The following FAM184B variants were observed in gnomAD, a reference collection of about 807,000 sequenced individuals.
FAM184B encodes protein FAM184B.
A neutral mutation model predicts 135.9 loss-of-function variants in FAM184B; 111 were observed. The observed-to-expected ratio is 0.82, with a 90% confidence interval of 0.70 to 0.96. The LOEUF is 0.96. Among genes scored for constraint, FAM184B ranks in the 40% least tolerant of loss-of-function variants. The probability of loss-of-function intolerance (pLI) is 0.00; values close to 1 mark genes in which losing one functional copy is unlikely to be tolerated. For synonymous variants in FAM184B, 552 were observed against 524.8 expected (o/e 1.05, Z -0.71); for missense variants, 1,375 against 1,323.9 (o/e 1.04, Z -0.60).
chr4:17,744,193 A>C (rs756650156), intron 1 of FAM184B, among the ~76,000 whole-genome samples: 9 of 152,010 alleles, frequency 5.9e-5, no homozygotes, highest in Non-Finnish European at 1.0e-4. Flanking sequence ...CTTAAAGTCA[A>C]TTTATTTGGG....
At chr4:17,641,007 C>T (rs4698641) in intron 13 of FAM184B, among the ~76,000 whole-genome samples, 89,973 of 151,932 alleles carry the variant, frequency 0.59, 27,336 homozygotes, top group East Asian at 0.89. Flanking sequence ...GATCTCAACT[C>T]AGTGCAACCT....
chr4:17,735,875 G>A (rs754951496), intron 1 of FAM184B, among the ~76,000 whole-genome samples: 3 of 152,204 alleles, frequency 2.0e-5, no homozygotes, highest in Non-Finnish European at 2.9e-5. Flanking sequence ...GCCAACAGAT[G>A]TACAGAGAAT....
At chr4:17,728,455 T>G (rs1717693520) in intron 1 of FAM184B, among the ~76,000 whole-genome samples, 1 of 152,122 alleles carries the variant, frequency 6.6e-6, no homozygotes, top group African/African-American at 2.4e-5. Context: ...GACCAGGAGA[T>G]CTTTACATTT....
chr4:17,640,200 C>T (rs1167631997), intron 13 of FAM184B, among the ~76,000 whole-genome samples: 1 of 149,738 alleles, frequency 6.7e-6, no homozygotes, highest in Non-Finnish European at 1.5e-5. Context: ...GGGCTGGGTG[C>T]GGTGGCTCAC....
chr4:17,671,498 T>C (rs1716168557), intron 7 of FAM184B, among the ~76,000 whole-genome samples: 1 of 152,028 alleles, frequency 6.6e-6, no homozygotes, highest in African/African-American at 2.4e-5. Context: ...GAGACCCCCA[T>C]TACCTGGCCA....
intron 1 of FAM184B, among the ~76,000 whole-genome samples, chr4:17,766,101 G>A (rs1458070368): frequency 6.6e-6 from 1 of 152,206 alleles, no homozygotes; most frequent in Non-Finnish European, 1.5e-5. Context: ...TTATTACAAA[G>A]AGCAAGATTG....
intron 7 of FAM184B, among the ~76,000 whole-genome samples, chr4:17,674,171 C>A (rs1278858130): frequency 6.6e-6 from 1 of 151,740 alleles, no homozygotes; most frequent in Non-Finnish European, 1.5e-5. Flanking sequence ...ACTTTTAATT[C>A]TAGCATAAAA....
At chr4:17,754,500 A>G (rs1718376600) in intron 1 of FAM184B, among the ~76,000 whole-genome samples, 1 of 151,376 alleles carries the variant, frequency 6.6e-6, no homozygotes, top group Non-Finnish European at 1.5e-5. Context: ...GAAGTGAGGC[A>G]AGGTCATGCC....
chr4:17,639,324 C>A lies in FAM184B; in HGVS notation c.2592G>T (p.Glu864Asp). Residue 864 changes from glutamate to aspartate, a missense_variant, in exon 14 of 18, where the codon GAG (glutamate) becomes GAT (aspartate). Glu to Asp is a conservative substitution (Grantham distance 45, BLOSUM62 2). Transcript: ENST00000265018. ...TGAAATCTGCCACCATGGCCTGCATCTCCTTCCGGTGTTCCTGGCGCAGTG... is the reference window on the plus strand; with the variant it reads ...TGAAATCTGCCACCATGGCCTGCATATCCTTCCGGTGTTCCTGGCGCAGTG... ...VETLRQEHRK[E>D]MQAMVADFSS... 6.4e-7 allele frequency: 1 copy of A among 1,551,776 alleles called. No individual in the cohort carries two copies. Among genetic ancestry groups the A allele is most frequent in the Non-Finnish European group, 8.7e-7 (1 of 1,147,012 alleles).
intron 1 of FAM184B, among the ~76,000 whole-genome samples, chr4:17,735,885 T>A (rs1577282941): frequency 6.6e-6 from 1 of 152,308 alleles, no homozygotes; most frequent in East Asian, 1.9e-4. Flanking sequence ...GTACAGAGAA[T>A]CCCAGAGTGC....
intron 13 of FAM184B, among the ~76,000 whole-genome samples, chr4:17,641,495 T>G: frequency 1.0e-5 from 1 of 97,706 alleles, no homozygotes; most frequent in East Asian, 3.9e-4. Context: ...TTTTTTTTTT[T>G]TGAGACGGAG....
intron 1 of FAM184B, among the ~76,000 whole-genome samples, chr4:17,745,860 T>C (rs2108985663): frequency 6.6e-6 from 1 of 152,322 alleles, no homozygotes. Context: ...TTATCCCTGT[T>C]TGATGAAAGA....
rs377346411 is a variant in FAM184B at position 17,707,640 on chromosome 4, G to A, written c.1030+9C>T. 9 of 1,551,308 alleles carry A rather than the reference G, an allele frequency of 5.8e-6. No homozygotes were observed. Among genetic ancestry groups the A allele is most frequent in the Non-Finnish European group, 7.8e-6 (9 of 1,146,958 alleles). ...GGTCTTTTAAGGAAATCATTCCAGGGCATCTCACCTGTCTGCTGTGTCCCA... is the reference window on the plus strand; with the variant it reads ...GGTCTTTTAAGGAAATCATTCCAGGACATCTCACCTGTCTGCTGTGTCCCA... On this transcript the variant is annotated intron_variant, in intron 3 of 17. Coordinates refer to ENST00000265018, the MANE Select transcript of FAM184B (RefSeq NM_015688.2).
chr4:17,673,234 C>A (rs1577255508), intron 7 of FAM184B, among the ~76,000 whole-genome samples: 1 of 152,032 alleles, frequency 6.6e-6, no homozygotes, highest in African/African-American at 2.4e-5. Flanking sequence ...GTGATACCAC[C>A]TTATTCCTGC....
At chr4:17,648,665 T>G (rs894534003) in intron 11 of FAM184B, among the ~76,000 whole-genome samples, 6 of 152,110 alleles carry the variant, frequency 3.9e-5, no homozygotes, top group Non-Finnish European at 8.8e-5. Flanking sequence ...AATATCCTCT[T>G]AAGACAAAAT....
Position 17,653,125 on chromosome 4 carries a change from C to G in FAM184B, c.2038-142G>C, listed in dbSNP as rs116006774. ...AGGGCTTATCAGGCTACAGAGAATGCTGTAGCAATGGCCTGGCCACAGCAG... is the reference window on the plus strand; with the variant it reads ...AGGGCTTATCAGGCTACAGAGAATGGTGTAGCAATGGCCTGGCCACAGCAG... On this transcript the variant is annotated intron_variant, in intron 10 of 17. Transcript: ENST00000265018. 4.5e-3 allele frequency: 3,714 copies of G among 831,518 alleles called. 119 individuals are homozygous for G. The African/African-American group carries it at 0.057, about 13-fold the overall frequency. The allele number at this position is 831,518 out of a possible 1,614,324, so 51.5% of individuals were successfully genotyped here.
intron 1 of FAM184B, among the ~76,000 whole-genome samples, chr4:17,710,622 C>T (rs141110223): frequency 2.6e-4 from 39 of 152,216 alleles, no homozygotes; most frequent in Admixed American, 5.9e-4. Flanking sequence ...ATGCTTCCCT[C>T]GTAGGATCAG....
chr4:17,688,490 G>T lies in FAM184B; in HGVS notation c.1530C>A (p.Arg510=). 3 of 1,551,040 alleles carry T rather than the reference G, an allele frequency of 1.9e-6. No individual in the cohort carries two copies. Among genetic ancestry groups the T allele is most frequent in the Non-Finnish European group, 2.6e-6 (3 of 1,146,866 alleles). Residue 510 remains arginine (R), a synonymous_variant, in exon 7 of 18, where the codon CGC becomes CGA. Coordinates refer to ENST00000265018, the MANE Select transcript of FAM184B (RefSeq NM_015688.2). ...LEEFIQQNKT[R]PTGAEESPQE... is the part of the protein sequence containing the mutation. ...GGGGACTTTCCTCAGCTCCTGTGGGGCGTGTCTTATTTTGTTGGATAAATT... is the reference window on the plus strand; with the variant it reads ...GGGGACTTTCCTCAGCTCCTGTGGGTCGTGTCTTATTTTGTTGGATAAATT...
chr4:17,752,504 T>C (rs1284610344), intron 1 of FAM184B, among the ~76,000 whole-genome samples: 1 of 152,200 alleles, frequency 6.6e-6, no homozygotes, highest in Non-Finnish European at 1.5e-5. Context: ...TTAGTTTTGC[T>C]TTGATCACAG....
Sources: gnomAD v4.1 joint callset for allele counts (sites outside exome capture counted in the v4.1 genomes callset) on GRCh38, gnomAD v4.1.1 for gene constraint, MANE v1.5 for transcripts, NCBI Gene and HGNC (gene_info 2026-07-23, HGNC 2026-07-21) for gene names.